Variants in NDFIP2 observed in about 807,000 individuals in gnomAD.
NDFIP2 encodes the protein Nedd4 family interacting protein 2.
In NDFIP2, 19 loss-of-function variants were observed where a neutral mutation model predicts 36.0. The ratio of observed to expected loss-of-function variants is 0.53; its 90% CI spans 0.37 to 0.77. NDFIP2 has a LOEUF of 0.77. Ranked by LOEUF, NDFIP2 falls within the 30% of genes least tolerant of loss-of-function variation. The probability of loss-of-function intolerance (pLI) is 0.00; values close to 1 mark genes in which losing one functional copy is unlikely to be tolerated. For synonymous variants in NDFIP2, 181 were observed against 167.7 expected, an observed-to-expected ratio of 1.08 and a Z score of -0.61; for missense variants, 446 against 435.8, an observed-to-expected ratio of 1.02 and a Z score of -0.21.
chr13:79,525,394 A>G (rs998614383), intron 2 of NDFIP2, among the ~76,000 whole-genome samples: 2 of 152,188 alleles, frequency 1.3e-5, no homozygotes, highest in African/African-American at 2.4e-5. Context: ...ATTCGTTTTT[A>G]CTGTAGATCT....
At chr13:79,500,988 A>G (rs115435584) in intron 1 of NDFIP2, among the ~76,000 whole-genome samples, 2,297 of 152,228 alleles carry the variant, frequency 0.015, 39 homozygotes, top group African/African-American at 0.051. Flanking sequence ...TCAGAACCAG[A>G]ATGAAATGAG....
chr13:79,517,666 G>T (rs768857908), intron 1 of NDFIP2, among the ~76,000 whole-genome samples: 1 of 152,174 alleles, frequency 6.6e-6, no homozygotes, highest in Admixed American at 6.5e-5. Context: ...TGTCAAAACC[G>T]TAGGTGTTAG....
chr13:79,499,030 A>G (rs989402398), intron 1 of NDFIP2, among the ~76,000 whole-genome samples: 1 of 151,982 alleles, frequency 6.6e-6, no homozygotes. Context: ...AAAATCCAAC[A>G]ATGTGTAAAA....
chr13:79,545,121 T>C (rs1438550806), intron 5 of NDFIP2, among the ~76,000 whole-genome samples: 1 of 152,160 alleles, frequency 6.6e-6, no homozygotes. Context: ...ATGTTGATTA[T>C]GATACTAATA....
Position 79,533,544 on chromosome 13 carries a change from G to A in NDFIP2, c.621+88G>A, listed in dbSNP as rs781313366. The A allele has an allele frequency of 1.2e-3, 1,493 of 1,246,624 alleles. 1 individual carries two copies. Among genetic ancestry groups the A allele is most frequent in the Non-Finnish European group, 1.3e-3 (1,201 of 929,760 alleles). 77.2% of individuals were successfully genotyped at this position (1,246,624 alleles called of 1,614,324 possible). ...TAATACTAAAAACAGTTCTTTGTGT[G>A]TAAGTGTGTATGTAGATTTTTTTTG... On this transcript the variant is annotated intron_variant, in intron 3 of 7. Coordinates refer to ENST00000218652, the MANE Select transcript of NDFIP2 (RefSeq NM_019080.3).
At chr13:79,490,218 C>T (rs951933383) in intron 1 of NDFIP2, among the ~76,000 whole-genome samples, 1 of 152,108 alleles carries the variant, frequency 6.6e-6, no homozygotes, top group Non-Finnish European at 1.5e-5. Context: ...AGAGGCAGAC[C>T]ACTGGTGAGC....
chr13:79,535,622 G>C (rs1230251128), intron 3 of NDFIP2, among the ~76,000 whole-genome samples: 1 of 152,182 alleles, frequency 6.6e-6, no homozygotes, highest in Non-Finnish European at 1.5e-5. Flanking sequence ...CTTAGGTCTT[G>C]TAAAAAATCT....
rs1876072846 is a variant in NDFIP2, at chr13:79,555,358, T to G, written c.*2845T>G. The G allele has an allele frequency of 6.6e-6, 1 of 151,202 alleles. No individual in the cohort carries two copies. The highest frequency in any genetic ancestry group is 2.4e-5 in the African/African-American group (1 of 41,130). The allele number at this position is 151,202 out of a possible 1,614,324, so 9.4% of individuals were successfully genotyped here. A position where few individuals can be genotyped will look rare whatever the true frequency, so the allele number is the denominator to read the frequency against. ...TCAAAAGAGTCCTGGTTATTCCTGT[T>G]TTCTCAGCTTAATAGTGCCTCATCG... On this transcript the variant is annotated 3_prime_UTR_variant, in exon 8 of 8. Coordinates refer to ENST00000218652, the MANE Select transcript of NDFIP2 (RefSeq NM_019080.3).
chr13:79,538,997 C>G (rs556000194), intron 3 of NDFIP2, among the ~76,000 whole-genome samples: 2 of 152,270 alleles, frequency 1.3e-5, no homozygotes, highest in East Asian at 3.9e-4. Context: ...TCTGTGGCTG[C>G]TTGAGGGACT....
At chr13:79,535,732 A>G (rs2760105) in intron 3 of NDFIP2, among the ~76,000 whole-genome samples, 43,655 of 152,096 alleles carry the variant, frequency 0.29, 7,737 homozygotes, top group Non-Finnish European at 0.4. Flanking sequence ...TTGAGATGAA[A>G]AATTGGTCAA....
chr13:79,527,869 G>A (rs930841133), intron 2 of NDFIP2, among the ~76,000 whole-genome samples: 1 of 152,106 alleles, frequency 6.6e-6, no homozygotes, highest in African/African-American at 2.4e-5. Flanking sequence ...TGCCCTTGAC[G>A]ACCTTCCAGT....
intron 2 of NDFIP2, among the ~76,000 whole-genome samples, chr13:79,523,198 A>G (rs149003111): frequency 7.2e-5 from 11 of 152,184 alleles, no homozygotes; most frequent in African/African-American, 2.4e-4. Flanking sequence ...TGTTTTTTCT[A>G]TACATACTGT....
At chr13:79,482,556 G>T (rs765572391) in intron 1 of NDFIP2, among the ~76,000 whole-genome samples, 5 of 152,060 alleles carry the variant, frequency 3.3e-5, no homozygotes, top group Non-Finnish European at 7.4e-5. Context: ...GCAGTTTATG[G>T]TTTATAAAAT....
intron 1 of NDFIP2, among the ~76,000 whole-genome samples, chr13:79,511,209 A>G (rs1041612749): frequency 6.6e-6 from 1 of 152,170 alleles, no homozygotes; most frequent in Non-Finnish European, 1.5e-5. Flanking sequence ...CCCACAAAAG[A>G]TAGCTTTTCA....
rs868646215 is a variant in NDFIP2 at position 79,481,457 on chromosome 13, C to T, written c.254C>T (p.Ser85Phe). Residue 85 changes from serine to phenylalanine, a missense_variant, in exon 1 of 8, where the codon TCT becomes TTT. Physicochemically the swap from Ser to Phe is radical, Grantham distance 155 (BLOSUM62 -2). Transcript: ENST00000218652. ...GCTGAGCACGGAGAAGACTCCCTCT[C>T]TCGGAAGCCGGATCCCGAGCCGGGC... ...VGAEHGEDSL[S>F]RKPDPEPGRM... The T allele has an allele frequency of 6.4e-7, 1 of 1,563,230 alleles. No homozygotes were observed. Among genetic ancestry groups the T allele is most frequent in the Non-Finnish European group, 8.7e-7 (1 of 1,153,380 alleles).
At chr13:79,505,628 T>TAA (rs1295048001) in intron 1 of NDFIP2, among the ~76,000 whole-genome samples, 44 of 136,104 alleles carry the variant, frequency 3.2e-4, no homozygotes, top group Admixed American at 1.4e-3. Flanking sequence ...GACCTTGCCT[T>TAA]AAAAAAAAAA....
At chr13:79,507,823 T>C (rs890934958) in intron 1 of NDFIP2, among the ~76,000 whole-genome samples, 3 of 151,916 alleles carry the variant, frequency 2.0e-5, no homozygotes, top group Non-Finnish European at 2.9e-5. Flanking sequence ...TTGTTTGAGA[T>C]CTTGAACTTT....
intron 3 of NDFIP2, among the ~76,000 whole-genome samples, chr13:79,535,889 C>T (rs1875217830): frequency 6.6e-6 from 1 of 152,140 alleles, no homozygotes; most frequent in South Asian, 2.1e-4. Context: ...TAAATATATA[C>T]AGTTTTTGTC....
rs1270648462 is a variant in NDFIP2, at chr13:79,553,210, A to C, written c.*697A>C. The C allele has an allele frequency of 1.3e-5, 2 of 151,296 alleles. No individual in the cohort carries two copies. The highest frequency in any genetic ancestry group is 3.0e-5 in the Non-Finnish European group (2 of 67,454). The allele number at this position is 151,296 out of a possible 1,614,324, so 9.4% of individuals were successfully genotyped here. ...TGTATATGTATACACATATATATAC[A>C]CACACACATATATATATTTAGAAAC... On this transcript the variant is annotated 3_prime_UTR_variant, in exon 8 of 8. Transcript: ENST00000218652.
Sources: gnomAD v4.1 joint callset for allele counts (sites outside exome capture counted in the v4.1 genomes callset) on GRCh38, gnomAD v4.1.1 for gene constraint, MANE v1.5 for transcripts, NCBI Gene and HGNC (gene_info 2026-07-23, HGNC 2026-07-21) for gene names.